ELK4: variants seen among roughly 807,000 people sequenced by gnomAD.
ELK4 encodes the protein ETS domain-containing protein Elk-4.
Under a neutral mutation model 29.6 loss-of-function variants are expected in ELK4, and 16 were observed. That is an observed-to-expected ratio of 0.54 (90% CI 0.37 to 0.82). The LOEUF is 0.82. Among genes scored for constraint, ELK4 ranks in the 40% least tolerant of loss-of-function variants. The pLI is 0.00. For synonymous variants in ELK4, 213 were observed against 191.1 expected (o/e 1.11, Z -0.95); for missense variants, 465 against 507.1 (o/e 0.92, Z 0.80).
intron 1 of ELK4, among the ~76,000 whole-genome samples, chr1:205,626,502 G>A (rs1212793500): frequency 1.3e-5 from 2 of 152,008 alleles, no homozygotes; most frequent in African/African-American, 2.4e-5. Flanking sequence ...CTACCTTTTT[G>A]GGGGGTAGTT....
intron 1 of ELK4, chr1:205,625,524 G>C (rs11240541): frequency 0.15 from 111,783 of 761,434 alleles, 10,015 homozygotes; most frequent in East Asian, 0.33. Context: ...TCAAGAAACG[G>C]GCGGCTCCGA....
Position 205,610,780 on chromosome 1 carries a change from C to CAA in ELK4, c.*5765_*5766insTT, listed in dbSNP as rs1013232245. 30 of 231,782 alleles carry CAA rather than the reference C, an allele frequency of 1.3e-4. No individual in the cohort carries two copies. Among genetic ancestry groups the CAA allele is most frequent in the African/African-American group, 5.7e-4 (26 of 45,330 alleles). 14.4% of individuals were successfully genotyped at this position (231,782 alleles called of 1,614,324 possible). A position where few individuals can be genotyped will look rare whatever the true frequency, so the allele number is the denominator to read the frequency against. On this transcript the variant is annotated 3_prime_UTR_variant, in exon 5 of 5. Coordinates refer to ENST00000357992, the MANE Select transcript of ELK4 (RefSeq NM_001973.4). ...ATGAAAACAGATTTACACGCGCACA[C>CAA]ACACACACACACACATTCAGTCAAT...
intron 1 of ELK4, among the ~76,000 whole-genome samples, chr1:205,629,119 C>G (rs1306361436): frequency 7.2e-6 from 1 of 139,164 alleles, no homozygotes; most frequent in Non-Finnish European, 1.5e-5. Context: ...TGCAGTGAGC[C>G]GAGATCGTGC....
intron 1 of ELK4, among the ~76,000 whole-genome samples, chr1:205,627,665 AG>A (rs1670493638): frequency 6.6e-6 from 1 of 152,222 alleles, no homozygotes; most frequent in Non-Finnish European, 1.5e-5. Flanking sequence ...ACACTATAAA[AG>A]TTAGGTCTGG....
rs1670105582 is a variant in ELK4, at chr1:205,608,493, T to C, written c.*8053A>G. The C allele has an allele frequency of 5.0e-6, 1 of 198,272 alleles. No individual in the cohort carries two copies. Among genetic ancestry groups the C allele is most frequent in the Non-Finnish European group, 1.0e-5 (1 of 95,956 alleles). 12.3% of individuals were successfully genotyped at this position (198,272 alleles called of 1,614,324 possible). ...TAGCTAGGAGATGTGGCAGCTTCCCTCCAGCTGTTTCATCAACTAACATGA... is the reference window on the plus strand; with the variant it reads ...TAGCTAGGAGATGTGGCAGCTTCCCCCCAGCTGTTTCATCAACTAACATGA... On this transcript the variant is annotated 3_prime_UTR_variant, in exon 5 of 5. Transcript: ENST00000357992.
chr1:205,609,236 A>G lies in ELK4; in HGVS notation c.*7310T>C. The G allele has an allele frequency of 5.3e-6, 1 of 188,418 alleles. No individual in the cohort carries two copies. The highest frequency in any genetic ancestry group is 1.1e-5 in the Non-Finnish European group (1 of 89,402). 11.7% of individuals were successfully genotyped at this position (188,418 alleles called of 1,614,324 possible). On this transcript the variant is annotated 3_prime_UTR_variant, in exon 5 of 5. Coordinates refer to ENST00000357992, the MANE Select transcript of ELK4 (RefSeq NM_001973.4). The stretch of plus-strand genomic sequence containing the variant: ...TCAAAATGCAAAGTTACATACCCTT[A>G]TTTTTTAGCCAATTTGATTATTTGG...
At position 205,613,230 on chromosome 1, in the gene ELK4, G is replaced by T. The variant is rs1670181169; in HGVS notation, c.*3316C>A. ...GCATGCCTGTAGCCCAGCTATGCAG[G>T]AGGCTGAGGCAGGAGGATCACTTGA... On this transcript the variant is annotated 3_prime_UTR_variant, in exon 5 of 5. Coordinates refer to ENST00000357992, the MANE Select transcript of ELK4 (RefSeq NM_001973.4). 5.1e-6 allele frequency: 1 copy of T among 197,974 alleles called. No individual in the cohort carries two copies. Among genetic ancestry groups the T allele is most frequent in the Admixed American group, 6.1e-5 (1 of 16,526 alleles). The allele number at this position is 197,974 out of a possible 1,614,324, so 12.3% of individuals were successfully genotyped here.
At chr1:205,618,684 G>A (rs536505553) in intron 4 of ELK4, among the ~76,000 whole-genome samples, 4 of 152,198 alleles carry the variant, frequency 2.6e-5, no homozygotes, top group East Asian at 1.9e-4. Flanking sequence ...TCAACCAGAC[G>A]TGGTGTTGCA....
At position 205,623,907 on chromosome 1, in the gene ELK4, T is replaced by C. The variant is rs1269382267; in HGVS notation, c.-9-16A>G. The C allele has an allele frequency of 6.2e-7, 1 of 1,610,298 alleles. No homozygotes were observed. The highest frequency in any genetic ancestry group is 1.1e-5 in the South Asian group (1 of 90,998). ...TAGCAATGAGCTGAAAGAATATAGA[T>C]AAGATATGTGATAATATTAACAGCC... On this transcript the variant is annotated splice_polypyrimidine_tract_variant and intron_variant, in intron 1 of 4. Coordinates refer to ENST00000357992, the MANE Select transcript of ELK4 (RefSeq NM_001973.4).
rs899211510 is a variant in ELK4 at position 205,615,642 on chromosome 1, G to A, written c.*904C>T. On this transcript the variant is annotated 3_prime_UTR_variant, in exon 5 of 5. Transcript: ENST00000357992. ...ACATGTTGTTTCAAGTTATCTGATC[G>A]AATCTTTTACTCAGAGATGTTTCAA... 7 of 202,828 alleles carry A rather than the reference G, an allele frequency of 3.5e-5. No individual in the cohort carries two copies. The highest frequency in any genetic ancestry group is 4.0e-5 in the Non-Finnish European group (4 of 98,902). 12.6% of individuals were successfully genotyped at this position (202,828 alleles called of 1,614,324 possible).
In ELK4 at chr1:205,613,855, T is replaced by C. The variant is rs2102374301; in HGVS notation, c.*2691A>G. ...TTCATCCTGGCAAAGTGACTAGGGA[T>C]GGATACGAGCTACAGCTACCAATTA... On this transcript the variant is annotated 3_prime_UTR_variant, in exon 5 of 5. Coordinates refer to ENST00000357992, the MANE Select transcript of ELK4 (RefSeq NM_001973.4). 1 of 215,624 alleles carries C rather than the reference T, an allele frequency of 4.6e-6. No individual in the cohort carries two copies. Among genetic ancestry groups the C allele is most frequent in the East Asian group, 6.8e-5 (1 of 14,652 alleles). 13.4% of individuals were successfully genotyped at this position (215,624 alleles called of 1,614,324 possible). A position where few individuals can be genotyped will look rare whatever the true frequency, so the allele number is the denominator to read the frequency against.
rs1383116397 is a variant in ELK4, at chr1:205,613,055, ATTGT to A, written c.*3487_*3490del. On this transcript the variant is annotated 3_prime_UTR_variant, in exon 5 of 5. Transcript: ENST00000357992. Reference sequence around the variant, plus strand: ...CCTGACCGTACTCCTCAAAATCCAGATTGTTTGTGCATACATTTAAAAAAAAAAA... The same window carrying A: ...CCTGACCGTACTCCTCAAAATCCAGATTGTGCATACATTTAAAAAAAAAAA... 8 of 198,430 alleles carry A rather than the reference ATTGT, an allele frequency of 4.0e-5. No homozygotes were observed. In the East Asian group the frequency reaches 4.7e-4, roughly 12 times the overall value. The allele number at this position is 198,430 out of a possible 1,614,324, so 12.3% of individuals were successfully genotyped here.
rs1259704331 is a variant in ELK4 at position 205,614,372 on chromosome 1, CTTAT to C, written c.*2170_*2173del. The stretch of plus-strand genomic sequence containing the variant: ...TAGTTAAATCAACCATCTATATCTA[CTTAT>C]TTAATGTACAAAATGTTAACCTAAT... On this transcript the variant is annotated 3_prime_UTR_variant, in exon 5 of 5. Coordinates refer to ENST00000357992, the MANE Select transcript of ELK4 (RefSeq NM_001973.4). 3 of 225,946 alleles carry C rather than the reference CTTAT, an allele frequency of 1.3e-5. No homozygotes were observed. Among genetic ancestry groups the C allele is most frequent in the Non-Finnish European group, 2.6e-5 (3 of 113,708 alleles). The allele number at this position is 225,946 out of a possible 1,614,324, so 14.0% of individuals were successfully genotyped here. A position where few individuals can be genotyped will look rare whatever the true frequency, so the allele number is the denominator to read the frequency against.
Position 205,620,137 on chromosome 1 carries a change from C to G in ELK4, c.909G>C (p.Gln303His), listed in dbSNP as rs1226223386. ...PENLSLEPKD[Q>H]DSVLLEKDKV... ...TGTCCTTTTCTAGCAAGACTGAATCCTGGTCTTTAGGCTCCAGTGACAAAT... is the reference window on the plus strand; with the variant it reads ...TGTCCTTTTCTAGCAAGACTGAATCGTGGTCTTTAGGCTCCAGTGACAAAT... Residue 303 changes from glutamine (Q) to histidine (H), a missense_variant, in exon 3 of 5, where the codon CAG becomes CAC. By Grantham distance (24) the Gln-to-His change is conservative (BLOSUM62 0). This residue lies in a region of ELK4 where 385 missense variants were observed against 387.5 expected (regional missense o/e 0.99). Coordinates refer to ENST00000357992, the MANE Select transcript of ELK4 (RefSeq NM_001973.4). 6.2e-7 allele frequency: 1 copy of G among 1,614,186 alleles called. No individual in the cohort carries two copies. The highest frequency in any genetic ancestry group is 1.7e-5 in the Admixed American group (1 of 60,020).
intron 2 of ELK4, among the ~76,000 whole-genome samples, chr1:205,621,662 G>A (rs1670352425): frequency 6.6e-6 from 1 of 151,978 alleles, no homozygotes; most frequent in Admixed American, 6.5e-5. Flanking sequence ...TGGGATTATA[G>A]GCACACATCA....
In ELK4 at chr1:205,620,363, A is replaced by G; in HGVS notation, c.683T>C (p.Leu228Ser). The G allele has an allele frequency of 6.2e-7, 1 of 1,614,226 alleles. No homozygotes were observed. Among genetic ancestry groups the G allele is most frequent in the Non-Finnish European group, 8.5e-7 (1 of 1,180,042 alleles). Residue 228 changes from leucine (L) to serine (S), a missense_variant, in exon 3 of 5, where the codon TTG becomes TCG. Physicochemically the swap from Leu to Ser is moderately radical, Grantham distance 145. Transcript: ENST00000357992. Reference sequence around the variant, plus strand: ...CAGGGAAGGCAGTTTTGGGGAAACCAATGTCTCCAAAGCTTGGATAGTTTC... The same window carrying G: ...CAGGGAAGGCAGTTTTGGGGAAACCGATGTCTCCAAAGCTTGGATAGTTTC... Reference protein sequence around the residue: ...SEETIQALETLVSPKLPSLEA... With the variant: ...SEETIQALETSVSPKLPSLEA...
Position 205,626,220 on chromosome 1 carries a change from C to T in ELK4, c.-9-2329G>A, listed in dbSNP as rs1285549334. 1.6e-5 allele frequency: 9 copies of T among 551,584 alleles called. No individual in the cohort carries two copies. The East Asian group carries it at 3.3e-4, about 20-fold the overall frequency. The allele number at this position is 551,584 out of a possible 1,614,324, so 34.2% of individuals were successfully genotyped here. On this transcript the variant is annotated intron_variant, in intron 1 of 4. Coordinates refer to ENST00000357992, the MANE Select transcript of ELK4 (RefSeq NM_001973.4). ...AGAGGTGGCCTCCCTTTCTTGACCT[C>T]CTCCTCCAAGCTCAAACACCACCTC...
rs1014293985 is a variant in ELK4 at position 205,615,984 on chromosome 1, C to T, written c.*562G>A. On this transcript the variant is annotated 3_prime_UTR_variant, in exon 5 of 5. Coordinates refer to ENST00000357992, the MANE Select transcript of ELK4 (RefSeq NM_001973.4). ...CACGTTATAGTTCACACAAAACAAT[C>T]TCCCCAGTATGACTGCTCCAATCTT... is the stretch of plus-strand genomic sequence containing the variant. The T allele has an allele frequency of 1.8e-5, 4 of 222,978 alleles. No homozygotes were observed. The highest frequency in any genetic ancestry group is 8.9e-5 in the African/African-American group (4 of 44,716). The allele number at this position is 222,978 out of a possible 1,614,324, so 13.8% of individuals were successfully genotyped here. A position where few individuals can be genotyped will look rare whatever the true frequency, so the allele number is the denominator to read the frequency against.
intron 2 of ELK4, among the ~76,000 whole-genome samples, chr1:205,623,167 A>G (rs1289385136): frequency 6.6e-6 from 1 of 151,536 alleles, no homozygotes; most frequent in African/African-American, 2.4e-5. Context: ...CAAAAAAAAA[A>G]AAAAAAAAGA....
Sources: allele counts gnomAD v4.1 joint callset (sites outside exome capture counted in the v4.1 genomes callset), GRCh38; gene constraint gnomAD v4.1.1; regional missense constraint gnomAD v4.1.1; transcripts MANE v1.5; gene names NCBI Gene and HGNC (gene_info 2026-07-23, HGNC 2026-07-21).